The following BMPR1A variants were observed in gnomAD, a reference collection of about 807,000 sequenced individuals.
BMPR1A encodes the protein bone morphogenetic protein receptor type-1A.
A neutral mutation model predicts 66.0 loss-of-function variants in BMPR1A; 7 were observed. That is an observed-to-expected ratio of 0.11 (90% CI 0.06 to 0.20). BMPR1A has a LOEUF of 0.20. Among genes scored for constraint, BMPR1A ranks in the 10% least tolerant of loss-of-function variants. The pLI is 1.00. For synonymous variants in BMPR1A, 200 were observed against 229.7 expected, an observed-to-expected ratio of 0.87 and a Z score of 1.17; for missense variants, 408 against 669.1, an observed-to-expected ratio of 0.61 and a Z score of 4.31.
chr10:86,906,920 C>G (rs1018640079), intron 7 of BMPR1A, among the ~76,000 whole-genome samples: 1 of 151,966 alleles, frequency 6.6e-6, no homozygotes, highest in Non-Finnish European at 1.5e-5. Context: ...TACCTATTTT[C>G]AAATGCACAG....
At chr10:86,767,102 G>C (rs1841177199) in intron 1 of BMPR1A, among the ~76,000 whole-genome samples, 1 of 152,152 alleles carries the variant, frequency 6.6e-6, no homozygotes, top group Non-Finnish European at 1.5e-5. Flanking sequence ...GATTACAGGC[G>C]TGAGGCACCA....
chr10:86,908,979 TCTC>T (rs1843437598), intron 7 of BMPR1A, among the ~76,000 whole-genome samples: 1 of 152,148 alleles, frequency 6.6e-6, no homozygotes, highest in Non-Finnish European at 1.5e-5. Context: ...CTTTGCTGCT[TCTC>T]CTCCCTCCAA....
rs1589291722 is a variant in BMPR1A at position 86,919,352 on chromosome 10, A to T, written c.1049A>T (p.Tyr350Phe). The T allele has an allele frequency of 6.2e-7, 1 of 1,613,424 alleles. No homozygotes were observed. The highest frequency in any genetic ancestry group is 2.2e-5 in the East Asian group (1 of 44,890). ...CGLCHLHTEI[Y>F]GTQGKPAIAH... is the part of the protein sequence containing the mutation. ...CTGTGCCACCTGCACACAGAAATTT[A>T]TGGCACCCAAGGAAAGCCCGCAATT... Residue 350 changes from tyrosine to phenylalanine, a missense_variant, in exon 10 of 13, where the codon TAT (tyrosine) becomes TTT (phenylalanine). Around this residue, in one of 5 missense-constraint regions of BMPR1A, gnomAD observed 130 missense variants for 257.3 expected, o/e 0.51. Transcript: ENST00000372037.
chr10:86,845,919 C>T (rs978817094), intron 2 of BMPR1A, among the ~76,000 whole-genome samples: 3 of 151,868 alleles, frequency 2.0e-5, no homozygotes, highest in African/African-American at 7.3e-5. Flanking sequence ...ATGGCGTGGA[C>T]TCGGGAGGTG....
chr10:86,811,163 C>G (rs1841964884), intron 1 of BMPR1A, among the ~76,000 whole-genome samples: 1 of 152,034 alleles, frequency 6.6e-6, no homozygotes. Context: ...CTCAGCCTCC[C>G]GAGTAGCTGG....
At chr10:86,835,420 G>A (rs1024430776) in intron 1 of BMPR1A, among the ~76,000 whole-genome samples, 1 of 150,382 alleles carries the variant, frequency 6.6e-6, no homozygotes, top group African/African-American at 2.4e-5. Flanking sequence ...AAAATTAGCT[G>A]GGCATGGTTA....
At chr10:86,915,020 C>T (rs1405455833) in intron 8 of BMPR1A, among the ~76,000 whole-genome samples, 1 of 152,148 alleles carries the variant, frequency 6.6e-6, no homozygotes, top group Non-Finnish European at 1.5e-5. Flanking sequence ...GAATATTACT[C>T]ATCAGTAAAA....
chr10:86,858,700 A>C (rs1328455324), intron 2 of BMPR1A, among the ~76,000 whole-genome samples: 1 of 152,184 alleles, frequency 6.6e-6, no homozygotes, highest in East Asian at 1.9e-4. Flanking sequence ...GCTACCAAAA[A>C]ATGAAATACA....
intron 3 of BMPR1A, among the ~76,000 whole-genome samples, chr10:86,877,389 A>T (rs1333027274): frequency 6.6e-6 from 1 of 151,834 alleles, no homozygotes; most frequent in Non-Finnish European, 1.5e-5. Flanking sequence ...TTGTATTTTT[A>T]GTAGAGACGG....
intron 5 of BMPR1A, among the ~76,000 whole-genome samples, chr10:86,893,695 G>A (rs1229037757): frequency 3.3e-5 from 5 of 152,014 alleles, no homozygotes; most frequent in Non-Finnish European, 5.9e-5. Flanking sequence ...GGCTGAGGCA[G>A]GAGAATGGCA....
intron 1 of BMPR1A, among the ~76,000 whole-genome samples, chr10:86,759,531 T>C (rs1204628884): frequency 2.6e-5 from 4 of 152,222 alleles, no homozygotes; most frequent in Non-Finnish European, 5.9e-5. Context: ...GTTGATGTCA[T>C]ACCAAACCCA....
intron 2 of BMPR1A, chr10:86,855,007 A>G (rs539999962): frequency 2.6e-5 from 5 of 194,554 alleles, no homozygotes; most frequent in Admixed American, 6.8e-5. Flanking sequence ...TGCAACCTCC[A>G]CTCCCTGCAA....
intron 1 of BMPR1A, among the ~76,000 whole-genome samples, chr10:86,832,497 A>C (rs1402024552): frequency 6.6e-6 from 1 of 152,142 alleles, no homozygotes; most frequent in Non-Finnish European, 1.5e-5. Context: ...TCATTGAAAA[A>C]ATGTAGGCAC....
At chr10:86,931,543 T>C (rs1219925814), downstream of BMPR1A, 2 of 151,814 alleles carry the variant, frequency 1.3e-5, no homozygotes, top group Non-Finnish European at 2.9e-5. Flanking sequence ...TATTACTTGA[T>C]CCTGTCCTCA....
At chr10:86,833,395 A>G (rs1842300448) in intron 1 of BMPR1A, among the ~76,000 whole-genome samples, 1 of 152,230 alleles carries the variant, frequency 6.6e-6, no homozygotes, top group Non-Finnish European at 1.5e-5. Context: ...TACATGAAAG[A>G]TGAGAGCCTA....
chr10:86,806,559 T>C (rs1841891372), intron 1 of BMPR1A, among the ~76,000 whole-genome samples: 1 of 152,160 alleles, frequency 6.6e-6, no homozygotes. Context: ...ATAGTCCTTA[T>C]GGATTTTTTT....
intron 1 of BMPR1A, among the ~76,000 whole-genome samples, chr10:86,789,487 C>T (rs961355434): frequency 2.0e-5 from 3 of 151,850 alleles, no homozygotes; most frequent in African/African-American, 7.3e-5. Flanking sequence ...CTGAGGTGGG[C>T]GGATCACTTG....
chr10:86,779,607 A>G (rs1489418996), intron 1 of BMPR1A, among the ~76,000 whole-genome samples: 2 of 151,862 alleles, frequency 1.3e-5, no homozygotes, highest in African/African-American at 4.8e-5. Context: ...GTTGAGCTTT[A>G]TTTATTTATT....
At chr10:86,785,869 T>G (rs1345816269) in intron 1 of BMPR1A, among the ~76,000 whole-genome samples, 2 of 152,212 alleles carry the variant, frequency 1.3e-5, no homozygotes, top group Non-Finnish European at 2.9e-5. Context: ...GCCTTACCAC[T>G]AATTACCACT....
Sources: gnomAD v4.1 joint callset for allele counts (sites outside exome capture counted in the v4.1 genomes callset) on GRCh38, gnomAD v4.1.1 for gene constraint, gnomAD v4.1.1 regional missense constraint, MANE v1.5 for transcripts, NCBI Gene and HGNC (gene_info 2026-07-23, HGNC 2026-07-21) for gene names.